Variants in ESR1 observed in about 807,000 individuals in gnomAD.
ESR1 encodes the protein estrogen receptor 1, also known as estrogen receptor.
Under a neutral mutation model 52.7 loss-of-function variants are expected in ESR1, and 12 were observed. The observed-to-expected ratio is 0.23, with a 90% CI of 0.15 to 0.37. The LOEUF (loss-of-function observed/expected upper bound fraction) is 0.37. Ranked by LOEUF, ESR1 falls within the 10% of genes least tolerant of loss-of-function variation. The probability of loss-of-function intolerance (pLI) is 1.00; values close to 1 mark genes in which losing one functional copy is unlikely to be tolerated. For synonymous variants in ESR1, 305 were observed against 316.8 expected, an observed-to-expected ratio of 0.96 and a Z score of 0.39; for missense variants, 584 against 779.7, an observed-to-expected ratio of 0.75 and a Z score of 2.99.
chr6:152,003,696 T>C (rs2128751011), intron 4 of ESR1, among the ~76,000 whole-genome samples: 1 of 152,090 alleles, frequency 6.6e-6, no homozygotes, highest in African/African-American at 2.4e-5. Context: ...AAGAAATGAA[T>C]GCTTACAGGA....
intron 1 of ESR1, among the ~76,000 whole-genome samples, chr6:151,820,051 G>C (rs1780314386): frequency 6.6e-6 from 1 of 152,192 alleles, no homozygotes; most frequent in Non-Finnish European, 1.5e-5. Context: ...AATAAGAACT[G>C]TGATAGAAAA....
At chr6:151,753,988 A>G (rs985152016) in intron 2 of ESR1, among the ~76,000 whole-genome samples, 2 of 152,228 alleles carry the variant, frequency 1.3e-5, no homozygotes, top group African/African-American at 4.8e-5. Flanking sequence ...ATGATGCAGA[A>G]TGAAGACCTG....
intron 4 of ESR1, among the ~76,000 whole-genome samples, chr6:151,965,379 A>G (rs555150825): frequency 5.4e-4 from 83 of 152,294 alleles, no homozygotes; most frequent in African/African-American, 1.9e-3. Context: ...AATGAGTACA[A>G]ATGGTAAAGA....
At chr6:151,664,251 T>C (rs930081738) in intron 1 of ESR1, among the ~76,000 whole-genome samples, 6 of 152,314 alleles carry the variant, frequency 3.9e-5, no homozygotes, top group African/African-American at 7.2e-5. Flanking sequence ...ACTCTACTTT[T>C]ATAGGTTACT....
chr6:152,023,104 G>A (rs1485416136), intron 5 of ESR1, among the ~76,000 whole-genome samples: 1 of 151,984 alleles, frequency 6.6e-6, no homozygotes, highest in Non-Finnish European at 1.5e-5. Flanking sequence ...TCTAAAGGGA[G>A]CATTTTTAGT....
chr6:151,940,946 A>G (rs1177815258), intron 3 of ESR1, among the ~76,000 whole-genome samples: 1 of 152,220 alleles, frequency 6.6e-6, no homozygotes, highest in African/African-American at 2.4e-5. Flanking sequence ...TGATTCTAAA[A>G]TTCTTCTGCT....
chr6:151,912,756 C>G (rs1321827715), intron 3 of ESR1, among the ~76,000 whole-genome samples: 2 of 152,118 alleles, frequency 1.3e-5, no homozygotes, highest in African/African-American at 2.4e-5. Context: ...AGAATGAGTT[C>G]CTGTCCTTTG....
At chr6:151,924,707 A>G (rs904358470) in intron 3 of ESR1, among the ~76,000 whole-genome samples, 3 of 152,136 alleles carry the variant, frequency 2.0e-5, no homozygotes, top group African/African-American at 7.2e-5. Context: ...CCACTCCTGC[A>G]TTAGTTTGCT....
chr6:151,879,708 T>C (rs1362975768), intron 2 of ESR1, among the ~76,000 whole-genome samples: 1 of 152,158 alleles, frequency 6.6e-6, no homozygotes, highest in Non-Finnish European at 1.5e-5. Flanking sequence ...CTTAGAATCG[T>C]TGGATGTGGT....
chr6:151,858,798 T>C (rs1285216823), intron 2 of ESR1, among the ~76,000 whole-genome samples: 2 of 152,168 alleles, frequency 1.3e-5, no homozygotes, highest in Non-Finnish European at 2.9e-5. Context: ...ATGAGGTTAT[T>C]TAAATACTTA....
At chr6:151,718,345 A>G (rs1781207901) in intron 2 of ESR1, among the ~76,000 whole-genome samples, 1 of 152,218 alleles carries the variant, frequency 6.6e-6, no homozygotes, top group Non-Finnish European at 1.5e-5. Context: ...GCAACTTACC[A>G]TTTTAATGCT....
Position 151,798,687 on chromosome 6 carries a change from T to C in ESR1, c.-70-9156T>C, listed in dbSNP as rs577067141. ...TCAATATCTTTCAAATTAGATTCTT[T>C]TGGAAATTGAACTGTGTCAAATCAA... On this transcript the variant is annotated intron_variant, in intron 2 of 2. Coordinates refer to the ESR1 transcript ENST00000404742. Among the ~76,000 whole-genome samples the C allele has an allele frequency of 4.6e-5, 7 of 152,374 alleles. No individual in the cohort carries two copies. In the South Asian group the frequency reaches 1.4e-3, roughly 32 times the overall value.
At chr6:151,747,208 C>T (rs890284128) in intron 2 of ESR1, among the ~76,000 whole-genome samples, 2 of 152,134 alleles carry the variant, frequency 1.3e-5, no homozygotes, top group East Asian at 1.9e-4. Context: ...ACATTTCGTA[C>T]CCAGAAAGCT....
At chr6:151,827,046 G>A (rs75471261) in intron 1 of ESR1, among the ~76,000 whole-genome samples, 2,646 of 152,052 alleles carry the variant, frequency 0.017, 110 homozygotes, top group East Asian at 0.13. Context: ...TGGAGGTGCC[G>A]GGCATGGTGA....
intron 4 of ESR1, among the ~76,000 whole-genome samples, chr6:151,989,954 T>A (rs996371117): frequency 6.6e-6 from 1 of 152,134 alleles, no homozygotes; most frequent in Non-Finnish European, 1.5e-5. Context: ...TCTTTCCGTG[T>A]ACAAATATGC....
chr6:152,068,715 C>T (rs866537345), intron 6 of ESR1, among the ~76,000 whole-genome samples: 3 of 152,132 alleles, frequency 2.0e-5, no homozygotes, highest in African/African-American at 7.2e-5. Flanking sequence ...TTCTCAGGAG[C>T]GTGTGGAACC....
At chr6:151,759,102 C>G (rs1314247177) in intron 2 of ESR1, among the ~76,000 whole-genome samples, 1 of 148,306 alleles carries the variant, frequency 6.7e-6, no homozygotes, top group Admixed American at 6.6e-5. Flanking sequence ...TGGTGACACT[C>G]TGTCTCTACT....
intron 2 of ESR1, among the ~76,000 whole-genome samples, chr6:151,795,721 T>C (rs891723119): frequency 6.6e-6 from 1 of 152,222 alleles, no homozygotes; most frequent in Non-Finnish European, 1.5e-5. Context: ...CAAATTGACT[T>C]ATGTACAAAT....
chr6:151,806,563 T>C (rs868551266), upstream of ESR1, among the ~76,000 whole-genome samples: 23 of 143,584 alleles, frequency 1.6e-4, no homozygotes, highest in African/African-American at 4.1e-4. Context: ...TATATACACA[T>C]ATATGTGTGT....
Sources: gnomAD v4.1 joint callset for allele counts (sites outside exome capture counted in the v4.1 genomes callset) on GRCh38, gnomAD v4.1.1 for gene constraint, MANE v1.5 for transcripts, NCBI Gene and HGNC (gene_info 2026-07-23, HGNC 2026-07-21) for gene names.